The following CCDC7 variants were observed in gnomAD, a reference collection of about 807,000 sequenced individuals.
CCDC7 encodes the protein coiled-coil domain-containing protein 7.
CCDC7 carries 183 observed loss-of-function variants against 196.9 expected under a neutral mutation model. That is an observed-to-expected ratio of 0.93 (90% confidence interval 0.82 to 1.05). The LOEUF is 1.05. Ranked by LOEUF, CCDC7 falls within the 50% of genes least tolerant of loss-of-function variation. The probability of loss-of-function intolerance (pLI) is 0.00; values close to 1 mark genes in which losing one functional copy is unlikely to be tolerated. For missense variants in CCDC7, 1,540 were observed against 1,482.2 expected, an observed-to-expected ratio of 1.04 and a Z score of -0.64; for synonymous variants, 525 against 484.6, an observed-to-expected ratio of 1.08 and a Z score of -1.10.
intron 28 of CCDC7, among the ~76,000 whole-genome samples, chr10:32,759,353 G>C (rs868447794): frequency 1.3e-5 from 2 of 152,114 alleles, no homozygotes; most frequent in African/African-American, 2.4e-5. Flanking sequence ...ATACTACAAG[G>C]CTACAGTAAC....
At chr10:32,463,092 C>T (rs1343844182) in intron 5 of CCDC7, 43 bp downstream of exon 6, 3 of 1,606,088 alleles carry the variant, frequency 1.9e-6, no homozygotes, top group Non-Finnish European at 2.5e-6. Context: ...TATTTTTTAA[C>T]TCATTTGAAA....
intron 28 of CCDC7, among the ~76,000 whole-genome samples, chr10:32,743,430 T>G (rs2074127728): frequency 6.6e-6 from 1 of 152,250 alleles, no homozygotes; most frequent in Non-Finnish European, 1.5e-5. Flanking sequence ...TTGTCAATTT[T>G]GGCTTTTGCT....
At chr10:32,754,197 A>C (rs1423470854) in intron 28 of CCDC7, among the ~76,000 whole-genome samples, 1 of 152,186 alleles carries the variant, frequency 6.6e-6, no homozygotes, top group Admixed American at 6.5e-5. Context: ...AAAGAATCAA[A>C]TAAAAGAAAA....
intron 28 of CCDC7, among the ~76,000 whole-genome samples, chr10:32,736,547 C>G (rs572191754): frequency 3.9e-5 from 6 of 152,058 alleles, no homozygotes; most frequent in South Asian, 2.1e-4. Flanking sequence ...CCGCTCCCCC[C>G]ACCCCACAAC....
intron 25 of CCDC7, among the ~76,000 whole-genome samples, chr10:32,721,797 G>A (rs2082449900): frequency 6.6e-6 from 1 of 152,086 alleles, no homozygotes; most frequent in African/African-American, 2.4e-5. Context: ...GTTTGGTAGT[G>A]TCTGGACCCA....
At chr10:32,712,808 C>G (rs924232411) in intron 25 of CCDC7, among the ~76,000 whole-genome samples, 1 of 152,160 alleles carries the variant, frequency 6.6e-6, no homozygotes, top group Admixed American at 6.5e-5. Flanking sequence ...CCATTGGTGC[C>G]AAAGGTAGCA....
chr10:32,816,944 G>A (rs2088771136), intron 31 of CCDC7, among the ~76,000 whole-genome samples: 5 of 152,182 alleles, frequency 3.3e-5, no homozygotes, highest in Non-Finnish European at 7.3e-5. Context: ...CTCCTCCAAA[G>A]GAAAGCAGCT....
chr10:32,789,106 T>TC (rs1389946841), intron 29 of CCDC7, among the ~76,000 whole-genome samples: 1 of 151,562 alleles, frequency 6.6e-6, no homozygotes, highest in Admixed American at 6.6e-5. Context: ...CTTTTTTTTT[T>TC]TTTTTTTGCC....
intron 20 of CCDC7, among the ~76,000 whole-genome samples, chr10:32,647,961 GT>G (rs2068065012): frequency 6.6e-6 from 1 of 152,210 alleles, no homozygotes; most frequent in African/African-American, 2.4e-5. Flanking sequence ...ATAGTTTGAG[GT>G]CTTACATTTA....
chr10:32,678,382 G>T (rs1218485022), intron 21 of CCDC7, among the ~76,000 whole-genome samples: 1 of 152,066 alleles, frequency 6.6e-6, no homozygotes. Flanking sequence ...GCTAGCTTTG[G>T]CCCTTCACTA....
rs1469767945 is a variant in CCDC7, at chr10:32,759,395, G to A, written c.2906-19582G>A. Among the ~76,000 whole-genome samples the A allele has an allele frequency of 4.6e-5, 7 of 152,258 alleles. No individual in the cohort carries two copies. In the South Asian group the frequency reaches 1.5e-3, roughly 32 times the overall value. On this transcript the variant is annotated intron_variant, in intron 28 of 41. Coordinates refer to ENST00000639629, the Ensembl canonical transcript of CCDC7. The stretch of plus-strand genomic sequence containing the variant: ...AGCATGGTACTGGTACCAAAACAGA[G>A]ATATGGACCAATGGAATAGAATAGA...
At chr10:32,570,457 A>G (rs1434247223) in intron 15 of CCDC7, among the ~76,000 whole-genome samples, 1 of 152,204 alleles carries the variant, frequency 6.6e-6, no homozygotes. Flanking sequence ...CTATTATGAC[A>G]TATAGACACA....
intron 31 of CCDC7, among the ~76,000 whole-genome samples, chr10:32,819,009 A>T (rs1275662960): frequency 6.6e-6 from 1 of 152,232 alleles, no homozygotes; most frequent in Non-Finnish European, 1.5e-5. Flanking sequence ...CCTTCAAAAA[A>T]ATCAATGAAT....
At chr10:32,661,965 C>T (rs532573466) in intron 20 of CCDC7, among the ~76,000 whole-genome samples, 1 of 151,984 alleles carries the variant, frequency 6.6e-6, no homozygotes, top group African/African-American at 2.4e-5. Context: ...GTCCTTGTGG[C>T]CTATATTGCC....
At chr10:32,766,839 C>A (rs2078383260) in intron 28 of CCDC7, among the ~76,000 whole-genome samples, 1 of 152,060 alleles carries the variant, frequency 6.6e-6, no homozygotes, top group African/African-American at 2.4e-5. Flanking sequence ...TGCTACATTA[C>A]CTTCTCTCTC....
intron 13 of CCDC7, among the ~76,000 whole-genome samples, chr10:32,564,902 A>G (rs1332039235): frequency 1.3e-5 from 2 of 152,080 alleles, no homozygotes; most frequent in Admixed American, 6.6e-5. Context: ...GCTTGAGCCT[A>G]TGAATTTGAG....
chr10:32,635,335 T>G (rs1372488689), intron 20 of CCDC7, among the ~76,000 whole-genome samples, 177 bp downstream of exon 21: 1 of 152,196 alleles, frequency 6.6e-6, no homozygotes, highest in Non-Finnish European at 1.5e-5. Context: ...ACTATGATTG[T>G]GAATTTCCTT....
chr10:32,787,445 C>T (rs185766906), intron 29 of CCDC7, among the ~76,000 whole-genome samples: 10 of 152,266 alleles, frequency 6.6e-5, no homozygotes, highest in South Asian at 2.1e-4. Context: ...TTGAATGTAA[C>T]GCAGATGTAA....
intron 13 of CCDC7, among the ~76,000 whole-genome samples, chr10:32,556,428 T>C (rs1020494654): frequency 6.6e-6 from 1 of 152,200 alleles, no homozygotes; most frequent in African/African-American, 2.4e-5. Flanking sequence ...TGTTTCTCAT[T>C]GAAACATAGA....
Sources: allele counts gnomAD v4.1 joint callset (sites outside exome capture counted in the v4.1 genomes callset), GRCh38; gene constraint gnomAD v4.1.1; transcripts MANE v1.5; gene names NCBI Gene and HGNC (gene_info 2026-07-23, HGNC 2026-07-21).